The following FGF12 variants were observed in gnomAD, a reference collection of about 807,000 sequenced individuals.
FGF12 encodes fibroblast growth factor 12.
FGF12 carries 14 observed loss-of-function variants against 23.6 expected under a neutral mutation model. That is an observed-to-expected ratio of 0.59 (90% CI 0.39 to 0.93). The LOEUF (loss-of-function observed/expected upper bound fraction) is 0.93. FGF12 is among the 40% of genes least tolerant of loss of function. The pLI is 0.00. For missense variants in FGF12, 175 were observed against 217.8 expected (o/e 0.80, Z 1.24); for synonymous variants, 62 against 77.3 (o/e 0.80, Z 1.04).
At chr3:192,560,616 T>C (rs1279152099) in intron 2 of FGF12, among the ~76,000 whole-genome samples, 1 of 151,960 alleles carries the variant, frequency 6.6e-6, no homozygotes, top group African/African-American at 2.4e-5. Flanking sequence ...GAATTAAAAA[T>C]TGAAAGGAAA....
intron 4 of FGF12, among the ~76,000 whole-genome samples, chr3:192,241,199 A>G (rs1296453193): frequency 6.6e-6 from 1 of 152,178 alleles, no homozygotes; most frequent in Non-Finnish European, 1.5e-5. Flanking sequence ...AAGACTATAT[A>G]AAAAGATTAG....
At chr3:192,547,197 G>T (rs1725516505) in intron 2 of FGF12, among the ~76,000 whole-genome samples, 1 of 152,140 alleles carries the variant, frequency 6.6e-6, no homozygotes, top group African/African-American at 2.4e-5. Context: ...GCCATGTATG[G>T]AATCCTTTAT....
At chr3:192,466,580 A>G (rs930909115) in intron 2 of FGF12, among the ~76,000 whole-genome samples, 3 of 152,236 alleles carry the variant, frequency 2.0e-5, no homozygotes, top group African/African-American at 7.2e-5. Flanking sequence ...TCTTTGTCTC[A>G]TCTCAATTTA....
intron 3 of FGF12, among the ~76,000 whole-genome samples, chr3:192,351,024 T>G (rs1718195763): frequency 6.6e-6 from 1 of 152,316 alleles, no homozygotes; most frequent in Admixed American, 6.5e-5. Context: ...TGTATATGTA[T>G]ACACTGAAAG....
chr3:192,205,831 T>G (rs1002911235), intron 4 of FGF12, among the ~76,000 whole-genome samples: 16 of 152,176 alleles, frequency 1.1e-4, no homozygotes, highest in Non-Finnish European at 1.0e-4. Flanking sequence ...GCTATTCCAC[T>G]CCAGTCTTTA....
At chr3:192,663,646 T>G (rs1716751765) in intron 2 of FGF12, among the ~76,000 whole-genome samples, 1 of 152,154 alleles carries the variant, frequency 6.6e-6, no homozygotes, top group Non-Finnish European at 1.5e-5. Flanking sequence ...GTCAAATTAT[T>G]ATTATCATTA....
intron 2 of FGF12, among the ~76,000 whole-genome samples, chr3:192,599,733 T>C (rs1334691267): frequency 1.3e-5 from 2 of 152,050 alleles, no homozygotes; most frequent in Non-Finnish European, 2.9e-5. Context: ...AGAATGACTG[T>C]GCTTTCATGC....
intron 4 of FGF12, among the ~76,000 whole-genome samples, chr3:192,255,195 C>T (rs1712306916): frequency 6.6e-6 from 1 of 152,034 alleles, no homozygotes; most frequent in Non-Finnish European, 1.5e-5. Flanking sequence ...ATACTGCTCA[C>T]AGCATTGTAT....
At chr3:192,211,192 T>C (rs1051040527) in intron 4 of FGF12, among the ~76,000 whole-genome samples, 1 of 152,070 alleles carries the variant, frequency 6.6e-6, no homozygotes, top group Admixed American at 6.6e-5. Context: ...ATTATGCATA[T>C]AATTGAAAAA....
At chr3:192,586,504 T>C (rs780062486) in intron 2 of FGF12, among the ~76,000 whole-genome samples, 10 of 152,324 alleles carry the variant, frequency 6.6e-5, no homozygotes, top group Non-Finnish European at 1.2e-4. Context: ...AGTTATACAA[T>C]CAGCTATTGT....
chr3:192,543,084 C>T (rs1359127299), intron 2 of FGF12, among the ~76,000 whole-genome samples: 2 of 152,124 alleles, frequency 1.3e-5, no homozygotes, highest in East Asian at 3.9e-4. Context: ...TTTGTCCTTC[C>T]ATTCAGAATG....
In FGF12 at chr3:192,725,298, T is replaced by TC. The variant is rs397694632; in HGVS notation, c.13+1882dup. 2.6e-3 allele frequency among the ~76,000 whole-genome samples: 391 copies of TC among 151,974 alleles called. 2 individuals are homozygous for TC. The highest frequency in any genetic ancestry group is 8.9e-3 in the African/African-American group (367 of 41,406). ...ACTTTCATCATGTTTTTTTTTTTTT[T>TC]CAGAGGCAATTATGGGACCTCTGCA... On this transcript the variant is annotated intron_variant, in intron 2 of 5. Coordinates refer to ENST00000445105, the MANE Select transcript of FGF12 (RefSeq NM_004113.6).
intron 4 of FGF12, among the ~76,000 whole-genome samples, chr3:192,247,046 AAGGAAGGAAG>A (rs1560032992): frequency 0.02 from 1,191 of 60,962 alleles, 41 homozygotes; most frequent in East Asian, 0.12. Flanking sequence ...GGAAGGAAGG[AAGGAAGGAAG>A]GAAGGAAGGA....
At chr3:192,375,778 T>C (rs1200360264) in intron 2 of FGF12, among the ~76,000 whole-genome samples, 1 of 152,132 alleles carries the variant, frequency 6.6e-6, no homozygotes, top group Non-Finnish European at 1.5e-5. Context: ...TCTCTCTCTT[T>C]CTTATTGTAA....
Position 192,409,056 on chromosome 3 carries a change from A to G in FGF12, c.14-48518T>C. On this transcript the variant is annotated intron_variant, in intron 2 of 5. Transcript: ENST00000445105. The surrounding 1 kb of genome is among the most constrained non-coding windows in gnomAD (Gnocchi z 4.8). ...ACTCCCGGCCAGCAGCACTGCAAAG[A>G]GAGCGGGAGGCGAGGGAGGGGGGAG... The G allele has an allele frequency of 1.3e-6, 1 of 796,644 alleles. No homozygotes were observed. The highest frequency in any genetic ancestry group is 1.5e-6 in the Non-Finnish European group (1 of 674,406). 49.3% of individuals were successfully genotyped at this position (796,644 alleles called of 1,614,324 possible).
chr3:192,157,626 T>G (rs984912179), intron 5 of FGF12, among the ~76,000 whole-genome samples: 1 of 152,198 alleles, frequency 6.6e-6, no homozygotes, highest in African/African-American at 2.4e-5. Context: ...CAGATTCCCC[T>G]ATTTACAACT....
intron 2 of FGF12, among the ~76,000 whole-genome samples, chr3:192,536,123 C>T (rs779682682): frequency 1.3e-5 from 2 of 152,176 alleles, no homozygotes; most frequent in Non-Finnish European, 2.9e-5. Context: ...AACTACAACC[C>T]ACACACCAAA....
chr3:192,579,217 G>A (rs757923523), intron 2 of FGF12, among the ~76,000 whole-genome samples: 1 of 152,072 alleles, frequency 6.6e-6, no homozygotes, highest in Non-Finnish European at 1.5e-5. Flanking sequence ...AGGTTACCTT[G>A]CACCCTGGTA....
chr3:192,357,244 G>T (rs1036587653), intron 3 of FGF12, among the ~76,000 whole-genome samples: 1 of 152,174 alleles, frequency 6.6e-6, no homozygotes, highest in East Asian at 1.9e-4. Flanking sequence ...AGCACTTTGG[G>T]AGGCCGAGGC....
Sources: allele counts gnomAD v4.1 joint callset (sites outside exome capture counted in the v4.1 genomes callset), GRCh38; gene constraint gnomAD v4.1.1; non-coding constraint Gnocchi (gnomAD v3.1); transcripts MANE v1.5; gene names NCBI Gene and HGNC (gene_info 2026-07-23, HGNC 2026-07-21).